The following ERMAP variants were observed in gnomAD, a reference collection of about 807,000 sequenced individuals.
ERMAP encodes the protein erythroid membrane-associated protein.
ERMAP carries 34 observed loss-of-function variants against 49.5 expected under a neutral mutation model. The ratio of observed to expected loss-of-function variants is 0.69; its 90% CI spans 0.52 to 0.91. The LOEUF is 0.91. Among genes scored for constraint, ERMAP ranks in the 40% least tolerant of loss-of-function variants. The probability of loss-of-function intolerance (pLI) is 0.00; values close to 1 mark genes in which losing one functional copy is unlikely to be tolerated. For missense variants in ERMAP, 541 were observed against 582.6 expected (o/e 0.93, Z 0.74); for synonymous variants, 214 against 232.2 (o/e 0.92, Z 0.71).
chr1:42,830,924 G>A lies in ERMAP; in HGVS notation c.242G>A (p.Arg81Gln), dbSNP rs368064875. ...CGCTCCCAGGCTGTTCACATATTCC[G>A]GGATGGGAAGGACCAGGATGAAGAT... ...PQRSQAVHIF[R>Q]DGKDQDEDLM... Residue 81 changes from arginine to glutamine, a missense_variant, in exon 4 of 12, where the codon CGG (arginine) becomes CAG (glutamine). Coordinates refer to ENST00000372517, the MANE Select transcript of ERMAP (RefSeq NM_001017922.2). The A allele has an allele frequency of 4.4e-5, 71 of 1,614,036 alleles. No individual in the cohort carries two copies. Among genetic ancestry groups the A allele is most frequent in the Admixed American group, 1.2e-4 (7 of 59,998 alleles).
rs919913424 is a variant in ERMAP at position 42,819,229 on chromosome 1, G to A, written c.-122+1976G>A. On this transcript the variant is annotated intron_variant, in intron 1 of 11. Transcript: ENST00000372517. This position sits in a 1 kb window ranked among gnomAD's most constrained non-coding sequence, Gnocchi z 5.1. ...TGTGCGCGCGCGCAAGAGAGGGACC[G>A]AGAGAGAGAAAGAGCTAGATTACGC... is the stretch of plus-strand genomic sequence containing the variant. 1.3e-5 allele frequency among the ~76,000 whole-genome samples: 2 copies of A among 151,748 alleles called. No individual in the cohort carries two copies. The highest frequency in any genetic ancestry group is 4.8e-5 in the African/African-American group (2 of 41,284).
intron 11 of ERMAP, among the ~76,000 whole-genome samples, 166 bp downstream of exon 11, chr1:42,840,462 T>G (rs577723665): frequency 7.9e-5 from 12 of 152,348 alleles, no homozygotes; most frequent in Admixed American, 3.9e-4. Context: ...TGATCGATCT[T>G]GAGGTCATAT....
intron 1 of ERMAP, 77 bp downstream of exon 1, chr1:42,817,330 C>CGCG: frequency 9.4e-7 from 1 of 1,066,876 alleles, no homozygotes; most frequent in Non-Finnish European, 1.2e-6. Context: ...GGGCCGCGCG[C>CGCG]CGGGGGGAGG....
In ERMAP at chr1:42,831,133, G is replaced by A. The variant is rs770534773; in HGVS notation, c.433+18G>A. ...GGTTGCAGGTTAGAATGGGTTTGAG[G>A]TGCCCAGGGTCATTTGTGGCAATTG... On this transcript the variant is annotated intron_variant, in intron 4 of 11. Transcript: ENST00000372517. 4 of 1,608,762 alleles carry A rather than the reference G, an allele frequency of 2.5e-6. No homozygotes were observed. The highest frequency in any genetic ancestry group is 3.4e-6 in the Non-Finnish European group (4 of 1,176,390).
intron 5 of ERMAP, 96 bp from the exon 6 acceptor site, chr1:42,835,636 C>A: frequency 6.6e-7 from 1 of 1,515,368 alleles, no homozygotes; most frequent in South Asian, 1.2e-5. Flanking sequence ...GACAAGGAGT[C>A]AGTCCTACTC....
In ERMAP at chr1:42,844,066, A is replaced by G; in HGVS notation, c.*834A>G. 1 of 398,610 alleles carries G rather than the reference A, an allele frequency of 2.5e-6. No individual in the cohort carries two copies. Among genetic ancestry groups the G allele is most frequent in the Admixed American group, 4.4e-5 (1 of 22,738 alleles). The allele number at this position is 398,610 out of a possible 1,614,324, so 24.7% of individuals were successfully genotyped here. ...TCTTATGAATCAATCTGTTGTGCCA[A>G]CCCTTTCTGAGATTCAGAGAGGTCC... On this transcript the variant is annotated 3_prime_UTR_variant, in exon 12 of 12. Coordinates refer to ENST00000372517, the MANE Select transcript of ERMAP (RefSeq NM_001017922.2). This position sits in a 1 kb window ranked among gnomAD's most constrained non-coding sequence, Gnocchi z 4.0.
intron 5 of ERMAP, 72 bp from the exon 6 acceptor site, chr1:42,835,660 C>A: frequency 6.3e-7 from 1 of 1,594,556 alleles, no homozygotes; most frequent in Non-Finnish European, 8.6e-7. Flanking sequence ...CAGCTGGGGG[C>A]ATCTTGGGAC....
chr1:42,830,867 A>C lies in ERMAP; in HGVS notation c.185A>C (p.Glu62Ala), dbSNP rs200211952. 8.7e-6 allele frequency: 14 copies of C among 1,612,212 alleles called. No homozygotes were observed. The African/African-American group carries it at 9.4e-5, about 11-fold the overall frequency. ...CTCTGGCCCGGGACGGTACCCAAGG[A>C]GGTGAGGTGGCTGCGGTCCCCATTC... The part of the protein sequence containing the change: ...LSLWPGTVPK[E>A]VRWLRSPFPQ... The change falls in exon 4 of 12, where the codon GAG (glutamate) becomes GCG (alanine). Residue 62 changes from glutamate to alanine, a missense_variant. Transcript: ENST00000372517.
chr1:42,830,718 G>C, intron 3 of ERMAP, 50 bp from the exon 4 acceptor site: 1 of 1,479,336 alleles, frequency 6.8e-7, no homozygotes. Context: ...CCCTTCCCAA[G>C]CTTTCTCCTG....
At position 42,831,592 on chromosome 1, in the gene ERMAP, T is replaced by G. The variant is rs867014120; in HGVS notation, c.433+477T>G. On this transcript the variant is annotated intron_variant, in intron 4 of 11. Coordinates refer to ENST00000372517, the MANE Select transcript of ERMAP (RefSeq NM_001017922.2). ...TTTTTTCTCTTTTTTTTTTTTTTTT[T>G]TTTTGTTTTGAGATAGGGCCTTGCT... 3.0e-4 allele frequency among the ~76,000 whole-genome samples: 44 copies of G among 145,674 alleles called. No homozygotes were observed. The South Asian group carries it at 6.8e-3, about 23-fold the overall frequency.
At chr1:42,820,381 CTTTTT>C (rs35589923) in intron 1 of ERMAP, among the ~76,000 whole-genome samples, 1 of 131,446 alleles carries the variant, frequency 7.6e-6, no homozygotes, top group Non-Finnish European at 1.6e-5. Context: ...ATCAGTTTCT[CTTTTT>C]TTTTTTTTTT....
intron 7 of ERMAP, 62 bp downstream of exon 7, chr1:42,837,252 A>G (rs1654929620): frequency 6.6e-6 from 10 of 1,524,908 alleles, no homozygotes; most frequent in Admixed American, 3.4e-5. Context: ...TTTCTATGTA[A>G]ATGTTGACAG....
chr1:42,835,820 T>C, intron 6 of ERMAP, 56 bp downstream of exon 6: 1 of 1,586,558 alleles, frequency 6.3e-7, no homozygotes, highest in African/African-American at 1.4e-5. Context: ...TTAATTTCTG[T>C]GCCCCCCATA....
rs1159220213 is a variant in ERMAP at position 42,836,668 on chromosome 1, T to C, written c.584-490T>C. On this transcript the variant is annotated intron_variant, in intron 6 of 11. Transcript: ENST00000372517. ...GTCGGGAGTTCAAGCCCAGCCTGAT[T>C]AACATGGCGAAACCCTGTCTCTACT... Among the ~76,000 whole-genome samples the C allele has an allele frequency of 2.0e-5, 3 of 152,042 alleles. No individual in the cohort carries two copies. In the East Asian group the frequency reaches 5.8e-4, roughly 29 times the overall value.
intron 2 of ERMAP, chr1:42,829,984 C>T (rs1042620984): frequency 6.2e-6 from 1 of 162,206 alleles, no homozygotes; most frequent in African/African-American, 2.4e-5. Flanking sequence ...AGGGAAACCT[C>T]CAGGCTGCAT....
chr1:42,820,065 T>C (rs1654366671), intron 1 of ERMAP, among the ~76,000 whole-genome samples: 1 of 152,244 alleles, frequency 6.6e-6, no homozygotes. Flanking sequence ...TCTTTCATCC[T>C]TGAGTGACAG....
chr1:42,827,634 C>A (rs1654593615), intron 2 of ERMAP, among the ~76,000 whole-genome samples: 1 of 152,162 alleles, frequency 6.6e-6, no homozygotes, highest in Non-Finnish European at 1.5e-5. Flanking sequence ...ACAGAAAAAG[C>A]CCCAAACTGT....
chr1:42,831,679 G>A (rs1421448114), intron 4 of ERMAP, among the ~76,000 whole-genome samples: 1 of 148,036 alleles, frequency 6.8e-6, no homozygotes, highest in East Asian at 2.0e-4. Context: ...GACCACCTGG[G>A]CTCAAGTAAT....
intron 4 of ERMAP, among the ~76,000 whole-genome samples, chr1:42,832,878 A>G (rs56161641): frequency 0.75 from 114,877 of 152,208 alleles, 43,966 homozygotes; most frequent in Admixed American, 0.83. Context: ...GAAGAGGGCC[A>G]TGGCCAGGAC....
Sources: allele counts gnomAD v4.1 joint callset (sites outside exome capture counted in the v4.1 genomes callset), GRCh38; gene constraint gnomAD v4.1.1; non-coding constraint Gnocchi (gnomAD v3.1); transcripts MANE v1.5; gene names NCBI Gene and HGNC (gene_info 2026-07-23, HGNC 2026-07-21).